The following CUBN variants were observed in gnomAD, a reference collection of about 807,000 sequenced individuals.
CUBN encodes 460 kDa receptor.
Under a neutral mutation model 405.3 loss-of-function variants are expected in CUBN, and 282 were observed. The observed-to-expected ratio is 0.70, with a 90% CI of 0.63 to 0.77. CUBN has a LOEUF of 0.77. Ranked by LOEUF, CUBN falls within the 30% of genes least tolerant of loss-of-function variation. The probability of loss-of-function intolerance (pLI) is 0.00; values close to 1 mark genes in which losing one functional copy is unlikely to be tolerated. For synonymous variants in CUBN, 1,684 were observed against 1,617.0 expected, an observed-to-expected ratio of 1.04 and a Z score of -0.99; for missense variants, 4,514 against 4,475.2, an observed-to-expected ratio of 1.01 and a Z score of -0.25.
At chr10:16,843,898 A>C (rs1839433222) in intron 60 of CUBN, among the ~76,000 whole-genome samples, 1 of 152,230 alleles carries the variant, frequency 6.6e-6, no homozygotes. Flanking sequence ...AAGTGCTACA[A>C]TAAAATAATG....
chr10:16,995,030 G>A lies in CUBN; in HGVS notation c.4169-4515C>T, dbSNP rs189892070. On this transcript the variant is annotated intron_variant, in intron 28 of 66. Coordinates refer to ENST00000377833, the MANE Select transcript of CUBN (RefSeq NM_001081.4). ...TGCTTGAACCCAGGAGGTGGAAGTC[G>A]CATTGAGCCGAGATCACAGCACTGC... Among the ~76,000 whole-genome samples, 277 of 152,264 alleles carry A rather than the reference G, an allele frequency of 1.8e-3. 2 individuals are homozygous for A. Among genetic ancestry groups the A allele is most frequent in the Non-Finnish European group, 3.0e-3 (201 of 68,014 alleles).
At chr10:16,894,402 T>G (rs1841119525) in intron 54 of CUBN, among the ~76,000 whole-genome samples, 2 of 152,102 alleles carry the variant, frequency 1.3e-5, no homozygotes, top group Admixed American at 1.3e-4. Flanking sequence ...AGGTTTAGGT[T>G]GAGATTCATA....
At chr10:17,111,552 T>G (rs1317778045) in intron 8 of CUBN, among the ~76,000 whole-genome samples, 3 of 152,186 alleles carry the variant, frequency 2.0e-5, no homozygotes, top group Non-Finnish European at 4.4e-5. Flanking sequence ...AAAACGCTTT[T>G]TAATATCATG....
intron 14 of CUBN, among the ~76,000 whole-genome samples, chr10:17,096,058 C>T (rs573382170): frequency 3.1e-4 from 47 of 152,038 alleles, no homozygotes; most frequent in African/African-American, 6.7e-4. Context: ...TGCATGCTCT[C>T]GCTTATATGT....
chr10:17,036,512 C>T (rs918834520), intron 27 of CUBN, among the ~76,000 whole-genome samples: 1 of 152,116 alleles, frequency 6.6e-6, no homozygotes, highest in Non-Finnish European at 1.5e-5. Context: ...CAGCCTGTCA[C>T]ATGCGCCTGT....
At chr10:17,025,964 C>T (rs1834652013) in intron 27 of CUBN, among the ~76,000 whole-genome samples, 1 of 152,114 alleles carries the variant, frequency 6.6e-6, no homozygotes, top group Non-Finnish European at 1.5e-5. Flanking sequence ...TTAAGGCTGC[C>T]ACGGTGAGGT....
chr10:16,825,058 C>T lies in CUBN; in HGVS notation c.10789G>A (p.Ala3597Thr). ...TTTATGAAGACCTGATTTGAGGAAGCCACGAAGGGAGCTATGCTGGTGTCC... is the reference window on the plus strand; with the variant it reads ...TTTATGAAGACCTGATTTGAGGAAGTCACGAAGGGAGCTATGCTGGTGTCC... ...GGDTSIAPFV[A>T]SSNQVFIKFH... Residue 3597 changes from alanine (A) to threonine (T), a missense_variant, in exon 67 of 67, where the codon GCT becomes ACT. Coordinates refer to ENST00000377833, the MANE Select transcript of CUBN (RefSeq NM_001081.4). The T allele has an allele frequency of 6.2e-7, 1 of 1,613,074 alleles. No individual in the cohort carries two copies. Among genetic ancestry groups the T allele is most frequent in the Non-Finnish European group, 8.5e-7 (1 of 1,179,504 alleles).
At chr10:17,073,634 C>T (rs1250845738) in intron 17 of CUBN, among the ~76,000 whole-genome samples, 5 of 151,926 alleles carry the variant, frequency 3.3e-5, no homozygotes, top group East Asian at 1.9e-4. Flanking sequence ...TTAGTAGAGA[C>T]GGGGTTTCTT....
intron 8 of CUBN, among the ~76,000 whole-genome samples, chr10:17,112,828 C>T (rs561559023): frequency 2.6e-5 from 4 of 152,190 alleles, no homozygotes; most frequent in African/African-American, 9.6e-5. Flanking sequence ...GCTATGCGAT[C>T]TTGGGCAAGT....
intron 60 of CUBN, among the ~76,000 whole-genome samples, chr10:16,842,922 C>T (rs1351014353): frequency 6.6e-6 from 1 of 152,222 alleles, no homozygotes; most frequent in African/African-American, 2.4e-5. Context: ...AAGCTGAACC[C>T]ACACAGCTAA....
intron 31 of CUBN, among the ~76,000 whole-genome samples, chr10:16,959,758 A>G (rs1488463594): frequency 2.0e-5 from 3 of 152,202 alleles, no homozygotes; most frequent in African/African-American, 7.2e-5. Flanking sequence ...AAAGTCATAA[A>G]AATTATCGAT....
intron 51 of CUBN, 149 bp from the exon 52 acceptor site, chr10:16,901,608 C>A: frequency 1.9e-6 from 2 of 1,074,898 alleles, no homozygotes; most frequent in Non-Finnish European, 2.7e-6. Flanking sequence ...AATACCAGCA[C>A]TTTGGGAGGC....
At chr10:16,942,335 A>C (rs1023953825) in intron 36 of CUBN, among the ~76,000 whole-genome samples, 3 of 152,216 alleles carry the variant, frequency 2.0e-5, no homozygotes, top group Non-Finnish European at 1.5e-5. Flanking sequence ...AAATAAAAAC[A>C]CATGACCAAG....
chr10:17,064,243 C>T (rs1835562526), intron 22 of CUBN, among the ~76,000 whole-genome samples: 1 of 152,204 alleles, frequency 6.6e-6, no homozygotes, highest in Admixed American at 6.5e-5. Context: ...AATCTAAAGC[C>T]ATGCTTTTGA....
chr10:16,946,737 C>A (rs188126412), intron 36 of CUBN, among the ~76,000 whole-genome samples: 1 of 152,030 alleles, frequency 6.6e-6, no homozygotes, highest in Non-Finnish European at 1.5e-5. Flanking sequence ...CTCAAGTGAT[C>A]CACCCGCCTT....
intron 27 of CUBN, among the ~76,000 whole-genome samples, chr10:17,039,824 C>T (rs1421597630): frequency 4.6e-5 from 7 of 152,024 alleles, no homozygotes; most frequent in Admixed American, 4.6e-4. Context: ...TAATATTGTA[C>T]TTTTGTAAAT....
At chr10:16,993,526 C>T (rs1402074385) in intron 28 of CUBN, among the ~76,000 whole-genome samples, 4 of 149,530 alleles carry the variant, frequency 2.7e-5, no homozygotes, top group South Asian at 4.3e-4. Context: ...TTATATGGAC[C>T]CACAATGTCT....
intron 62 of CUBN, 32 bp from the exon 63 acceptor site, chr10:16,836,414 A>G: frequency 2.5e-6 from 4 of 1,605,982 alleles, no homozygotes; most frequent in Non-Finnish European, 3.4e-6. Context: ...ATCATGTTAG[A>G]TTTAGTCTTA....
intron 2 of CUBN, 73 bp downstream of exon 2, chr10:17,129,048 A>T: frequency 8.5e-7 from 1 of 1,180,978 alleles, no homozygotes; most frequent in Non-Finnish European, 1.3e-6. Context: ...GGTACAGATT[A>T]ATCTAGACTT....
Sources: allele counts gnomAD v4.1 joint callset (sites outside exome capture counted in the v4.1 genomes callset), GRCh38; gene constraint gnomAD v4.1.1; transcripts MANE v1.5; gene names NCBI Gene and HGNC (gene_info 2026-07-23, HGNC 2026-07-21).